TMEM255A: variants seen among roughly 807,000 people sequenced by gnomAD.
TMEM255A encodes the protein family with sequence similarity 70, member A.
TMEM255A carries 14 observed loss-of-function variants against 23.5 expected under a neutral mutation model. That is an observed-to-expected ratio of 0.60 (90% CI 0.39 to 0.93). TMEM255A has a LOEUF of 0.93. TMEM255A is among the 40% of genes least tolerant of loss of function. The pLI, the probability that TMEM255A is intolerant of heterozygous loss-of-function variation, is 0.00. For missense variants in TMEM255A, 233 were observed against 261.7 expected, an observed-to-expected ratio of 0.89 and a Z score of 0.76; for synonymous variants, 104 against 100.3, an observed-to-expected ratio of 1.04 and a Z score of -0.22.
chrX:120,269,047 A>G (rs2057736699), intron 7 of TMEM255A, among the ~76,000 whole-genome samples: 1 of 111,218 alleles, frequency 9.0e-6, no homozygotes, highest in Admixed American at 9.6e-5. Flanking sequence ...TTGATTTCTC[A>G]TCAGCCCTGT....
In TMEM255A at chrX:120,287,160, A is replaced by G. The variant is rs782298507; in HGVS notation, c.417T>C (p.Ala139=). ...HYVPKTSQKE[A]EEVNCPHLSR... is the part of the protein sequence containing the mutation. ...CAGCCTCATTCTGGCTCACCTCCTC[A>G]GCTTCCTTCTGTGATGTCTTGGGAA... Residue 139 remains alanine (A), a synonymous_variant, in exon 5 of 9, where the codon GCT becomes GCC. Coordinates refer to ENST00000371369, the MANE Select transcript of TMEM255A (RefSeq NM_001104544.3). 10 of 1,208,153 alleles carry G rather than the reference A, an allele frequency of 8.3e-6. No individual in the cohort carries two copies. The highest frequency in any genetic ancestry group is 1.1e-5 in the Non-Finnish European group (10 of 893,626).
intron 1 of TMEM255A, among the ~76,000 whole-genome samples, chrX:120,306,438 T>C (rs1569342271): frequency 8.9e-6 from 1 of 111,882 alleles, no homozygotes; most frequent in Non-Finnish European, 1.9e-5. Context: ...TCTCAGTGAA[T>C]CTGTGAGTTG....
chrX:120,285,120 CACTT>C lies in TMEM255A; in HGVS notation c.512+3_512+6del. On this transcript the variant is annotated splice_donor_5th_base_variant and intron_variant, in intron 6 of 8. Transcript: ENST00000371369. Reference sequence around the variant, plus strand: ...CATTATTCCTGTGTCTGGGCCTCAACACTTACTTGCCACAGTTGTAGAGGTCACA... The same window carrying C: ...CATTATTCCTGTGTCTGGGCCTCAACACTTGCCACAGTTGTAGAGGTCACA... The C allele has an allele frequency of 8.3e-7, 1 of 1,203,874 alleles. No homozygotes were observed. Among genetic ancestry groups the C allele is most frequent in the Non-Finnish European group, 1.1e-6 (1 of 888,417 alleles).
intron 8 of TMEM255A, 50 bp downstream of exon 8, chrX:120,268,194 A>G: frequency 8.7e-7 from 1 of 1,152,086 alleles, no homozygotes; most frequent in Non-Finnish European, 1.2e-6. Flanking sequence ...ACAAGAGAGC[A>G]TGAGTGAGAA....
chrX:120,262,749 G>A (rs1556016880), intron 8 of TMEM255A, among the ~76,000 whole-genome samples: 2 of 111,776 alleles, frequency 1.8e-5, no homozygotes, highest in African/African-American at 6.5e-5. Context: ...CTGTGCCTGG[G>A]CATATGGCAC....
At chrX:120,287,427 T>G (rs1005701171) in intron 4 of TMEM255A, among the ~76,000 whole-genome samples, 10 of 111,316 alleles carry the variant, frequency 9.0e-5, no homozygotes, top group African/African-American at 3.3e-4. Flanking sequence ...CTTTAAAAAT[T>G]ACTTTCTATT....
At chrX:120,304,261 C>G in intron 2 of TMEM255A, 88 bp downstream of exon 2, 1 of 997,246 alleles carries the variant, frequency 1.0e-6, no homozygotes, top group Non-Finnish European at 1.4e-6. Flanking sequence ...ACACTAGACA[C>G]TCAAACAGAA....
chrX:120,302,261 C>T (rs1046635080), intron 2 of TMEM255A, among the ~76,000 whole-genome samples: 12 of 111,420 alleles, frequency 1.1e-4, no homozygotes, highest in African/African-American at 3.9e-4. Context: ...AGATATTCCA[C>T]AGAGAAGGTT....
At chrX:120,254,827 T>C (rs1427970373), downstream of TMEM255A, 1 of 1,211,930 alleles carries the variant, frequency 8.3e-7, no homozygotes, top group Non-Finnish European at 1.1e-6. Flanking sequence ...GGCAGCGAGA[T>C]GGCAAACAAA....
intron 1 of TMEM255A, chrX:120,309,807 A>AG (rs1388022876): frequency 9.0e-6 from 1 of 111,189 alleles, no homozygotes; most frequent in East Asian, 2.8e-4. Context: ...GCTGGGAGTA[A>AG]GGGGGAGTCT....
chrX:120,307,495 A>G (rs782672230), intron 1 of TMEM255A, among the ~76,000 whole-genome samples: 2 of 112,400 alleles, frequency 1.8e-5, no homozygotes, highest in East Asian at 5.6e-4. Context: ...TATGAAAATC[A>G]TGCCTATTAC....
chrX:120,255,327 A>G (rs782604657), downstream of TMEM255A: 17 of 1,211,513 alleles, frequency 1.4e-5, no homozygotes, highest in Admixed American at 2.8e-4. Context: ...GAACAAGCCA[A>G]TGACCTGGGA....
At chrX:120,253,628 C>T in the TMEM255A span, 2 of 1,210,674 alleles carry the variant, frequency 1.7e-6, no homozygotes, top group Non-Finnish European at 1.1e-6. Flanking sequence ...TTGAACTGAG[C>T]TTTATAAGAG....
intron 2 of TMEM255A, among the ~76,000 whole-genome samples, chrX:120,296,840 A>T (rs181640210): frequency 0.022 from 69 of 3,067 alleles, 2 homozygotes; most frequent in Admixed American, 0.059. Context: ...ATGATATATA[A>T]TATATATCAT....
rs782644362 is a variant in TMEM255A, at chrX:120,260,891, C to T, written c.957G>A (p.Lys319=). Residue 319 remains lysine (K), a synonymous_variant, in exon 9 of 9, where the codon AAG becomes AAA. Coordinates refer to ENST00000371369, the MANE Select transcript of TMEM255A (RefSeq NM_001104544.3). The part of the protein sequence containing the change: ...YSPPYYPPFE[K]PPPYSP ...CTCTTTAGGGACTGTAAGGTGGTGG[C>T]TTTTCAAAAGGTGGATAGTAGGGTG... The T allele has an allele frequency of 8.3e-7, 1 of 1,205,093 alleles. No individual in the cohort carries two copies. Among genetic ancestry groups the T allele is most frequent in the Admixed American group, 2.2e-5 (1 of 44,843 alleles).
intron 2 of TMEM255A, among the ~76,000 whole-genome samples, chrX:120,302,642 G>A (rs1556026213): frequency 9.0e-6 from 1 of 110,892 alleles, no homozygotes; most frequent in African/African-American, 3.3e-5. Context: ...CAGTGTCTGT[G>A]GGTCACCTGC....
chrX:120,278,958 G>A (rs1236709641), intron 6 of TMEM255A, among the ~76,000 whole-genome samples: 8 of 111,454 alleles, frequency 7.2e-5, no homozygotes, highest in African/African-American at 2.0e-4. Flanking sequence ...GTGTCTCTGC[G>A]TGTATCTGTG....
chrX:120,302,391 T>C (rs899179265), intron 2 of TMEM255A, among the ~76,000 whole-genome samples: 5 of 111,173 alleles, frequency 4.5e-5, no homozygotes, highest in African/African-American at 9.8e-5. Flanking sequence ...AGAAATATTT[T>C]ACTAATGCAG....
At chrX:120,254,420 AGAT>A (rs782103222), downstream of TMEM255A, 10 of 1,209,279 alleles carry the variant, frequency 8.3e-6, no homozygotes, top group South Asian at 1.2e-4. Flanking sequence ...AGGAAATAAT[AGAT>A]GATGATGATG....
Sources: gnomAD v4.1 joint callset for allele counts (sites outside exome capture counted in the v4.1 genomes callset) on GRCh38, gnomAD v4.1.1 for gene constraint, MANE v1.5 for transcripts, NCBI Gene and HGNC (gene_info 2026-07-23, HGNC 2026-07-21) for gene names.